The following CAST variants were observed in gnomAD, a reference collection of about 807,000 sequenced individuals.
The protein encoded by CAST is MIR583 host.
Under a neutral mutation model 119.6 loss-of-function variants are expected in CAST, and 76 were observed. That is an observed-to-expected ratio of 0.64 (90% CI 0.53 to 0.77). The LOEUF (loss-of-function observed/expected upper bound fraction) is 0.77. CAST is among the 30% of genes least tolerant of loss of function. The probability of loss-of-function intolerance (pLI) is 0.00; values close to 1 mark genes in which losing one functional copy is unlikely to be tolerated. For synonymous variants in CAST, 319 were observed against 331.6 expected (o/e 0.96, Z 0.41); for missense variants, 953 against 946.5 (o/e 1.01, Z -0.09).
the CAST span, among the ~76,000 whole-genome samples, chr5:96,112,433 AC>A: frequency 1.3e-5 from 2 of 152,134 alleles, no homozygotes; most frequent in Non-Finnish European, 2.9e-5. Context: ...GTGATTGCTT[AC>A]TCCCATATCC....
intron 4 of CAST, 141 bp from the exon 5 acceptor site, chr5:96,726,653 C>G: frequency 1.8e-6 from 1 of 550,352 alleles, no homozygotes; most frequent in South Asian, 2.8e-5. Context: ...CCTACAGCTT[C>G]TTGGAGTTAT....
At chr5:96,170,157 C>A in the CAST span, among the ~76,000 whole-genome samples, 3 of 152,320 alleles carry the variant, frequency 2.0e-5, no homozygotes, top group East Asian at 5.8e-4. Flanking sequence ...GGTCTTCAGC[C>A]GCTAAGCCGA....
chr5:96,049,520 G>A, the CAST span, among the ~76,000 whole-genome samples: 18 of 152,052 alleles, frequency 1.2e-4, no homozygotes, highest in African/African-American at 4.1e-4. Context: ...AAGCGTCAGG[G>A]GCTGATTGAA....
chr5:96,337,305 G>C, the CAST span, among the ~76,000 whole-genome samples: 1 of 151,304 alleles, frequency 6.6e-6, no homozygotes, highest in African/African-American at 2.4e-5. Flanking sequence ...TCAATCAAGA[G>C]AGAAAAAAAA....
intron 1 of CAST, among the ~76,000 whole-genome samples, chr5:96,603,637 T>G (rs535425364): frequency 1.3e-5 from 2 of 152,304 alleles, no homozygotes; most frequent in Admixed American, 1.3e-4. Context: ...TTAACTTTTT[T>G]TAATAACTAG....
chr5:96,250,703 G>A, the CAST span, among the ~76,000 whole-genome samples: 1 of 151,994 alleles, frequency 6.6e-6, no homozygotes, highest in Non-Finnish European at 1.5e-5. Context: ...TATAAGGTAG[G>A]CAACAGCAGT....
the CAST span, among the ~76,000 whole-genome samples, chr5:96,226,062 T>C: frequency 1.3e-5 from 2 of 152,204 alleles, no homozygotes; most frequent in Non-Finnish European, 2.9e-5. Context: ...TGTCCCCACC[T>C]TGCACTTCTC....
chr5:96,638,752 C>T lies in CAST; in HGVS notation c.61-36787C>T, dbSNP rs78125821. Among the ~76,000 whole-genome samples, 1,048 of 152,320 alleles carry T rather than the reference C, an allele frequency of 6.9e-3. 10 individuals carry two copies. Among genetic ancestry groups the T allele is most frequent in the Non-Finnish European group, 0.011 (719 of 68,016 alleles). ...CAACAATAAGGAAACTTTCTCCTCCCGTGGGCCTCTTAAGTTCATGGGCCT... is the reference window on the plus strand; with the variant it reads ...CAACAATAAGGAAACTTTCTCCTCCTGTGGGCCTCTTAAGTTCATGGGCCT... On this transcript the variant is annotated intron_variant, in intron 1 of 11. Coordinates refer to the CAST transcript ENST00000505143.
chr5:96,489,726 G>T, the CAST span, among the ~76,000 whole-genome samples: 15 of 152,200 alleles, frequency 9.9e-5, no homozygotes, highest in East Asian at 3.9e-4. Context: ...TTGCTGAGAG[G>T]CTATAAAGAT....
the CAST span, among the ~76,000 whole-genome samples, chr5:96,108,200 A>T: frequency 6.6e-6 from 1 of 152,124 alleles, no homozygotes; most frequent in East Asian, 1.9e-4. Flanking sequence ...TAATTTGATC[A>T]TCTGAAGCCT....
At chr5:96,056,237 C>T in the CAST span, among the ~76,000 whole-genome samples, 1 of 152,104 alleles carries the variant, frequency 6.6e-6, no homozygotes, top group East Asian at 1.9e-4. Context: ...TGCTTTCTTG[C>T]AGTTGTCTTA....
chr5:96,288,231 C>T, the CAST span, among the ~76,000 whole-genome samples: 1 of 152,124 alleles, frequency 6.6e-6, no homozygotes, highest in Admixed American at 6.5e-5. Context: ...CTGGAGAAAA[C>T]TACATAGACA....
At chr5:96,072,150 G>C in the CAST span, among the ~76,000 whole-genome samples, 2 of 152,144 alleles carry the variant, frequency 1.3e-5, no homozygotes, top group Non-Finnish European at 2.9e-5. Context: ...TAGAAAAGGA[G>C]CTCAGAATGG....
the CAST span, among the ~76,000 whole-genome samples, chr5:96,254,754 G>A: frequency 1.2e-4 from 19 of 152,232 alleles, no homozygotes; most frequent in African/African-American, 4.6e-4. Flanking sequence ...GACAGGAGAA[G>A]AGTTTCTGAT....
At chr5:96,612,819 C>A (rs1327905899) in intron 1 of CAST, among the ~76,000 whole-genome samples, 1 of 152,112 alleles carries the variant, frequency 6.6e-6, no homozygotes, top group African/African-American at 2.4e-5. Context: ...AACAATTTAT[C>A]TTTGTGTATG....
the CAST span, among the ~76,000 whole-genome samples, chr5:96,300,201 T>C: frequency 1.3e-5 from 2 of 152,204 alleles, no homozygotes; most frequent in Non-Finnish European, 2.9e-5. Flanking sequence ...GTATAGTTTC[T>C]TCCCTGCTTT....
chr5:96,044,724 C>T, the CAST span, among the ~76,000 whole-genome samples: 2 of 151,984 alleles, frequency 1.3e-5, no homozygotes, highest in African/African-American at 2.4e-5. Flanking sequence ...TGTCTATCAA[C>T]TACAAAATGG....
chr5:95,994,208 G>A, the CAST span, among the ~76,000 whole-genome samples: 7 of 152,252 alleles, frequency 4.6e-5, no homozygotes, highest in East Asian at 1.2e-3. Flanking sequence ...CATACAAAGA[G>A]TTGTGTGTCA....
the CAST span, among the ~76,000 whole-genome samples, chr5:96,236,458 G>A: frequency 4.3e-3 from 648 of 152,278 alleles, 11 homozygotes; most frequent in African/African-American, 0.015. Context: ...GTCTAGTACT[G>A]TCTCCTCGGG....
Sources: allele counts gnomAD v4.1 joint callset (sites outside exome capture counted in the v4.1 genomes callset), GRCh38; gene constraint gnomAD v4.1.1; transcripts MANE v1.5; gene names NCBI Gene and HGNC (gene_info 2026-07-23, HGNC 2026-07-21).